ALS2CL: variants seen among roughly 807,000 people sequenced by gnomAD.
ALS2CL encodes ALS2 C-terminal like, also known as ALS2 C-terminal-like protein.
A neutral mutation model predicts 127.9 loss-of-function variants in ALS2CL; 112 were observed. The ratio of observed to expected loss-of-function variants is 0.88; its 90% CI spans 0.75 to 1.02. The LOEUF is 1.02. ALS2CL is among the 50% of genes least tolerant of loss of function. The pLI, the probability that ALS2CL is intolerant of heterozygous loss-of-function variation, is 0.00. For missense variants in ALS2CL, 1,174 were observed against 1,236.7 expected (o/e 0.95, Z 0.76); for synonymous variants, 519 against 527.6 (o/e 0.98, Z 0.22).
intron 7 of ALS2CL, among the ~76,000 whole-genome samples, chr3:46,685,142 C>T (rs77181036): frequency 1.3e-5 from 2 of 152,318 alleles, no homozygotes; most frequent in East Asian, 3.9e-4. Flanking sequence ...CCTCAGTCAC[C>T]CATGACTTTC....
Position 46,674,645 on chromosome 3 carries a change from C to T in ALS2CL, c.2350G>A (p.Asp784Asn). Residue 784 changes from aspartate to asparagine, a missense_variant, in exon 21 of 26, where the codon GAC becomes AAC. By Grantham distance (23) the Asp-to-Asn change is conservative (BLOSUM62 1). Transcript: ENST00000318962. ...GCAATGCCCTGGCTGTAGAAGCTGTCCTCCCGCTCATGAAGCAGCAGGTAG... is the reference window on the plus strand; with the variant it reads ...GCAATGCCCTGGCTGTAGAAGCTGTTCTCCCGCTCATGAAGCAGCAGGTAG... ...TLYLLLHERE[D>N]SFYSQGIANL... The T allele has an allele frequency of 1.9e-6, 3 of 1,614,168 alleles. No homozygotes were observed. Among genetic ancestry groups the T allele is most frequent in the Non-Finnish European group, 2.5e-6 (3 of 1,180,012 alleles).
At chr3:46,672,931 G>A (rs1363144096) in intron 22 of ALS2CL, among the ~76,000 whole-genome samples, 2 of 152,176 alleles carry the variant, frequency 1.3e-5, no homozygotes, top group African/African-American at 2.4e-5. Flanking sequence ...ACTTGAACCC[G>A]GGAGGCGGAG....
At chr3:46,674,858 C>G in intron 20 of ALS2CL, 119 bp from the exon 21 acceptor site, 1 of 1,015,330 alleles carries the variant, frequency 9.8e-7, no homozygotes, top group Non-Finnish European at 1.4e-6. Flanking sequence ...CTCCAGCCTC[C>G]TCCTCCCCAG....
At chr3:46,674,285 G>C (rs1465387124) in intron 21 of ALS2CL, among the ~76,000 whole-genome samples, 2 of 152,232 alleles carry the variant, frequency 1.3e-5, no homozygotes, top group African/African-American at 4.8e-5. Context: ...GCCAGCTCCT[G>C]TGGGGACTCT....
rs977646786 is a variant in ALS2CL at position 46,681,204 on chromosome 3, T to C, written c.1436+42A>G. On this transcript the variant is annotated intron_variant, in intron 13 of 25. Coordinates refer to ENST00000318962, the MANE Select transcript of ALS2CL (RefSeq NM_147129.5). The surrounding 1 kb of genome is among the most constrained non-coding windows in gnomAD (Gnocchi z 4.9). ...AACAATCTGGTCTGTGAGGGCCCGG[T>C]CCACCCCTCCGTCCTGGGAGTGGTG... 5 of 1,612,976 alleles carry C rather than the reference T, an allele frequency of 3.1e-6. No homozygotes were observed. The highest frequency in any genetic ancestry group is 3.4e-6 in the Non-Finnish European group (4 of 1,179,416).
intron 24 of ALS2CL, 115 bp from the exon 25 acceptor site, chr3:46,671,699 C>T: frequency 6.4e-7 from 1 of 1,558,648 alleles, no homozygotes; most frequent in Non-Finnish European, 8.7e-7. Flanking sequence ...GGGGTGTGGT[C>T]CTCACTCTAC....
At chr3:46,680,597 T>C in intron 13 of ALS2CL, 56 bp from the exon 14 acceptor site, 1 of 1,530,464 alleles carries the variant, frequency 6.5e-7, no homozygotes, top group Non-Finnish European at 9.0e-7. Flanking sequence ...ATGTACCTCC[T>C]GGGCACTCTG....
At chr3:46,680,307 C>T (rs1438552673) in intron 14 of ALS2CL, 123 bp downstream of exon 14, 1 of 1,104,060 alleles carries the variant, frequency 9.1e-7, no homozygotes, top group Non-Finnish European at 1.3e-6. Flanking sequence ...TTCTGGCTCC[C>T]TCCAGCACCC....
chr3:46,671,425 G>A, intron 25 of ALS2CL, 63 bp downstream of exon 25: 1 of 1,605,544 alleles, frequency 6.2e-7, no homozygotes, highest in Non-Finnish European at 8.5e-7. Context: ...GTCTGGGAAG[G>A]GAAAAGGGTC....
At chr3:46,692,670 G>C in intron 1 of ALS2CL, among the ~76,000 whole-genome samples, 1 of 152,358 alleles carries the variant, frequency 6.6e-6, no homozygotes, top group South Asian at 2.1e-4. Context: ...AGGCAGCCCT[G>C]ATGCTCACCA....
chr3:46,675,540 C>A, intron 20 of ALS2CL, 78 bp downstream of exon 20: 1 of 1,383,288 alleles, frequency 7.2e-7, no homozygotes, highest in South Asian at 1.2e-5. Context: ...GCACCTCTTT[C>A]CCCAAGGGAG....
chr3:46,672,536 A>G (rs1392445049), intron 22 of ALS2CL, among the ~76,000 whole-genome samples: 1 of 152,170 alleles, frequency 6.6e-6, no homozygotes, highest in Non-Finnish European at 1.5e-5. Flanking sequence ...TTAGTGAAAC[A>G]CAGGTTCCCG....
At chr3:46,677,970 G>A (rs1442434490) in intron 16 of ALS2CL, among the ~76,000 whole-genome samples, 2 of 130,202 alleles carry the variant, frequency 1.5e-5, no homozygotes, top group Non-Finnish European at 3.2e-5. Flanking sequence ...TGTATGTTTG[G>A]TTTGTAAACC....
At chr3:46,684,195 G>A in intron 7 of ALS2CL, 148 bp from the exon 8 acceptor site, 1 of 946,448 alleles carries the variant, frequency 1.1e-6, no homozygotes, top group Admixed American at 2.1e-5. Context: ...CTCCCCTCTG[G>A]CTTGCTCCCC....
Position 46,686,250 on chromosome 3 carries a change from C to T in ALS2CL, c.666+58G>A. 6.5e-7 allele frequency: 1 copy of T among 1,535,774 alleles called. No individual in the cohort carries two copies. Among genetic ancestry groups the T allele is most frequent in the Non-Finnish European group, 8.8e-7 (1 of 1,141,408 alleles). On this transcript the variant is annotated intron_variant, in intron 6 of 25. Coordinates refer to ENST00000318962, the MANE Select transcript of ALS2CL (RefSeq NM_147129.5). This position sits in a 1 kb window ranked among gnomAD's most constrained non-coding sequence, Gnocchi z 4.3. ...ACAGCAAGCAGCTCAAGCCCCCCAA[C>T]ATCTCCATGCCCAATGTGGAACCCC...
At chr3:46,685,949 A>C (rs1263947242) in intron 6 of ALS2CL, among the ~76,000 whole-genome samples, 1 of 152,034 alleles carries the variant, frequency 6.6e-6, no homozygotes, top group Non-Finnish European at 1.5e-5. Flanking sequence ...CTAGTCTCCT[A>C]ATTCTCCACA....
Position 46,686,485 on chromosome 3 carries a change from C to T in ALS2CL, c.535-46G>A. Reference sequence around the variant, plus strand: ...CAGTGAGAGGAGAGCTTACTGGAATCTTCCCTAGCCCAGTCCTGGTCCCGG... The same window carrying T: ...CAGTGAGAGGAGAGCTTACTGGAATTTTCCCTAGCCCAGTCCTGGTCCCGG... On this transcript the variant is annotated intron_variant, in intron 5 of 25. Coordinates refer to ENST00000318962, the MANE Select transcript of ALS2CL (RefSeq NM_147129.5). This position sits in a 1 kb window ranked among gnomAD's most constrained non-coding sequence, Gnocchi z 4.3. 3 of 1,591,770 alleles carry T rather than the reference C, an allele frequency of 1.9e-6. No homozygotes were observed. The highest frequency in any genetic ancestry group is 2.6e-6 in the Non-Finnish European group (3 of 1,168,404).
At chr3:46,680,845 T>A (rs1253504573) in intron 13 of ALS2CL, 3 of 522,490 alleles carry the variant, frequency 5.7e-6, no homozygotes, top group African/African-American at 3.8e-5. Flanking sequence ...ACGTGGGGAC[T>A]TCAGTGGTCC....
chr3:46,688,010 A>C, intron 3 of ALS2CL, 88 bp downstream of exon 3: 1 of 1,489,282 alleles, frequency 6.7e-7, no homozygotes, highest in Non-Finnish European at 9.2e-7. Flanking sequence ...ACCCTGACCC[A>C]TGTGAGCCCC....
Sources: gnomAD v4.1 joint callset for allele counts (sites outside exome capture counted in the v4.1 genomes callset) on GRCh38, gnomAD v4.1.1 for gene constraint, Gnocchi (gnomAD v3.1) non-coding constraint, MANE v1.5 for transcripts, NCBI Gene and HGNC (gene_info 2026-07-23, HGNC 2026-07-21) for gene names.